The following UPF2 variants were observed in gnomAD, a reference collection of about 807,000 sequenced individuals.
UPF2 encodes regulator of nonsense transcripts 2.
In UPF2, 17 loss-of-function variants were observed where a neutral mutation model predicts 141.4. The observed-to-expected ratio is 0.12, with a 90% CI of 0.08 to 0.18. UPF2 has a LOEUF of 0.18. UPF2 is among the 10% of genes least tolerant of loss of function. The pLI, the probability that UPF2 is intolerant of heterozygous loss-of-function variation, is 1.00. For missense variants in UPF2, 1,152 were observed against 1,515.9 expected, an observed-to-expected ratio of 0.76 and a Z score of 3.99; for synonymous variants, 540 against 498.0, an observed-to-expected ratio of 1.08 and a Z score of -1.12.
At chr10:11,934,409 A>AG (rs1157633889) in intron 19 of UPF2, among the ~76,000 whole-genome samples, 1 of 152,056 alleles carries the variant, frequency 6.6e-6, no homozygotes, top group Non-Finnish European at 1.5e-5. Context: ...GAAGGAGGGG[A>AG]GGGGTGTGGC....
intron 4 of UPF2, among the ~76,000 whole-genome samples, chr10:12,012,299 T>C (rs1014597606): frequency 2.0e-5 from 3 of 151,920 alleles, no homozygotes; most frequent in Admixed American, 2.0e-4. Context: ...CCTGACCTCA[T>C]GATCCACCTG....
chr10:11,944,473 G>A (rs550336664), intron 16 of UPF2, among the ~76,000 whole-genome samples: 1 of 152,238 alleles, frequency 6.6e-6, no homozygotes, highest in African/African-American at 2.4e-5. Context: ...CGGCCTGGGT[G>A]ACAGAGCGAG....
chr10:11,986,407 C>G (rs1387521828), intron 8 of UPF2, among the ~76,000 whole-genome samples: 1 of 152,028 alleles, frequency 6.6e-6, no homozygotes, highest in African/African-American at 2.4e-5. Flanking sequence ...CAAGCAGAAA[C>G]AAGAGCAGAA....
chr10:11,946,264 A>C (rs1832998498), intron 16 of UPF2, among the ~76,000 whole-genome samples: 3 of 152,216 alleles, frequency 2.0e-5, no homozygotes, highest in African/African-American at 7.2e-5. Flanking sequence ...ACAAAGCTTT[A>C]GGGCTAAAGG....
In UPF2 at chr10:11,998,390, G is replaced by T. The variant is rs1833897917; in HGVS notation, c.1759-633C>A. Among the ~76,000 whole-genome samples, 1 of 152,098 alleles carries T rather than the reference G, an allele frequency of 6.6e-6. No individual in the cohort carries two copies. The highest frequency in any genetic ancestry group is 1.5e-5 in the Non-Finnish European group (1 of 68,026). Reference sequence around the variant, plus strand: ...CTAGATGACCATTACCACCTGGACAGACTTTTTTCTGAGACAAGGTCTCAC... The same window carrying T: ...CTAGATGACCATTACCACCTGGACATACTTTTTTCTGAGACAAGGTCTCAC... On this transcript the variant is annotated intron_variant, in intron 7 of 21. Transcript: ENST00000357604. This position sits in a 1 kb window ranked among gnomAD's most constrained non-coding sequence, Gnocchi z 4.5.
chr10:11,958,138 A>G (rs1396912515), intron 12 of UPF2, among the ~76,000 whole-genome samples: 1 of 152,140 alleles, frequency 6.6e-6, no homozygotes, highest in Non-Finnish European at 1.5e-5. Context: ...GGATTGCTTG[A>G]GCCCAGGAGT....
chr10:11,948,829 TAA>T (rs1833037739), intron 15 of UPF2, among the ~76,000 whole-genome samples: 1 of 152,174 alleles, frequency 6.6e-6, no homozygotes, highest in Non-Finnish European at 1.5e-5. Context: ...TAGAAAACAG[TAA>T]CAGATGAGGT....
rs973805667 is a variant in UPF2 at position 11,939,196 on chromosome 10, T to C, written c.3379-2484A>G. 1.3e-5 allele frequency among the ~76,000 whole-genome samples: 2 copies of C among 152,106 alleles called. No homozygotes were observed. Among genetic ancestry groups the C allele is most frequent in the Non-Finnish European group, 2.9e-5 (2 of 68,020 alleles). On this transcript the variant is annotated intron_variant, in intron 18 of 21. Transcript: ENST00000357604. The surrounding 1 kb of genome is among the most constrained non-coding windows in gnomAD (Gnocchi z 4.8). ...AGCAAGTTTCTTGTCTTTCCAAGCC[T>C]CTGTTTCTTTAGCTAAAGCAAAGGA...
In UPF2 at chr10:12,029,228, C is replaced by G. The variant is rs1378903561; in HGVS notation, c.662G>C (p.Cys221Ser). 5 of 1,614,162 alleles carry G rather than the reference C, an allele frequency of 3.1e-6. No individual in the cohort carries two copies. In the South Asian group the frequency reaches 4.4e-5, roughly 14 times the overall value. Reference sequence around the variant, plus strand: ...AAAGAGAGAGCAGAGGTGCACAGCACAGTTCACATCAGAGATTTTTAGTTT... The same window carrying G: ...AAAGAGAGAGCAGAGGTGCACAGCAGAGTTCACATCAGAGATTTTTAGTTT... ...EAKLKISDVN[C>S]AVHLCSLFHQ... The change falls in exon 3 of 22, where the codon TGT (cysteine) becomes TCT (serine). Residue 221 changes from cysteine (C) to serine (S), a missense_variant. Around this residue, in one of 4 missense-constraint regions of UPF2, gnomAD observed 739 missense variants for 1,032.2 expected, o/e 0.72. Coordinates refer to ENST00000357604, the MANE Select transcript of UPF2 (RefSeq NM_015542.4).
chr10:12,014,225 G>C lies in UPF2; in HGVS notation c.1146-41C>G. 3 of 1,333,052 alleles carry C rather than the reference G, an allele frequency of 2.3e-6. No homozygotes were observed. The highest frequency in any genetic ancestry group is 2.9e-6 in the Non-Finnish European group (3 of 1,031,170). 82.6% of individuals were successfully genotyped at this position (1,333,052 alleles called of 1,614,324 possible). A position where few individuals can be genotyped will look rare whatever the true frequency, so the allele number is the denominator to read the frequency against. Reference sequence around the variant, plus strand: ...ATCATCTGACAGTCTTATCAAAATAGATGTGATCACAAATTGTTATATATG... The same window carrying C: ...ATCATCTGACAGTCTTATCAAAATACATGTGATCACAAATTGTTATATATG... On this transcript the variant is annotated intron_variant, in intron 3 of 21. Coordinates refer to ENST00000357604, the MANE Select transcript of UPF2 (RefSeq NM_015542.4). This position sits in a 1 kb window ranked among gnomAD's most constrained non-coding sequence, Gnocchi z 5.0.
intron 11 of UPF2, among the ~76,000 whole-genome samples, chr10:11,961,354 T>C (rs61166139): frequency 0.03 from 4,560 of 151,956 alleles, 218 homozygotes; most frequent in African/African-American, 0.1. Flanking sequence ...GGAAGGTTTT[T>C]CTGAGAAAGT....
In UPF2 at chr10:12,014,377, T is replaced by C. The variant is rs1834182832; in HGVS notation, c.1146-193A>G. On this transcript the variant is annotated intron_variant, in intron 3 of 21. Transcript: ENST00000357604. This position sits in a 1 kb window ranked among gnomAD's most constrained non-coding sequence, Gnocchi z 5.0. ...AATGAAATTCACCTGAACATTTAAATTTTAACACTGGTTCCTCAAAGAATA... is the reference window on the plus strand; with the variant it reads ...AATGAAATTCACCTGAACATTTAAACTTTAACACTGGTTCCTCAAAGAATA... Among the ~76,000 whole-genome samples the C allele has an allele frequency of 6.6e-6, 1 of 152,212 alleles. No homozygotes were observed. The highest frequency in any genetic ancestry group is 2.4e-5 in the African/African-American group (1 of 41,456).
intron 9 of UPF2, among the ~76,000 whole-genome samples, chr10:11,975,006 C>G (rs1449760870): frequency 6.6e-6 from 1 of 152,146 alleles, no homozygotes; most frequent in Non-Finnish European, 1.5e-5. Context: ...GGTATATAGT[C>G]AACTTATTTT....
intron 12 of UPF2, among the ~76,000 whole-genome samples, chr10:11,957,351 C>A (rs1341638444): frequency 6.6e-6 from 1 of 151,846 alleles, no homozygotes; most frequent in Admixed American, 6.5e-5. Context: ...ATCACTTGAA[C>A]CCGGGAGGCA....
rs779809584 is a variant in UPF2 at position 12,028,906 on chromosome 10, C to G, written c.984G>C (p.Lys328Asn). The change falls in exon 3 of 22, where the codon AAG (lysine) becomes AAC (asparagine). Residue 328 changes from lysine to asparagine, a missense_variant. By Grantham distance (94) the Lys-to-Asn change is moderately conservative. Transcript: ENST00000357604. The part of the protein sequence containing the change: ...DIAGLVPRKV[K>N]SAAEKFNLSF... The stretch of plus-strand genomic sequence containing the variant: ...TCAAATTAAACTTCTCTGCAGCACT[C>G]TTTACTTTCCTTGGTACAAGTCCAG... 2 of 1,614,070 alleles carry G rather than the reference C, an allele frequency of 1.2e-6. No homozygotes were observed. The highest frequency in any genetic ancestry group is 8.5e-7 in the Non-Finnish European group (1 of 1,180,046).
In UPF2 at chr10:11,940,314, AC is replaced by A. The variant is rs540953888; in HGVS notation, c.3378+2350del. 1.6e-3 allele frequency among the ~76,000 whole-genome samples: 242 copies of A among 152,166 alleles called. 1 individual carries two copies. The highest frequency in any genetic ancestry group is 5.4e-3 in the African/African-American group (224 of 41,514). ...TTCCTTTGACTTCATCAGCTTTTCT[AC>A]CTTATTTCTAAATGTTAAGGTTCTT... On this transcript the variant is annotated intron_variant, in intron 18 of 21. Transcript: ENST00000357604. This position sits in a 1 kb window ranked among gnomAD's most constrained non-coding sequence, Gnocchi z 4.2.
At chr10:12,029,648 A>T in intron 2 of UPF2, 124 bp from the exon 3 acceptor site, 1 of 1,110,884 alleles carries the variant, frequency 9.0e-7, no homozygotes. Context: ...AAGATTCAAA[A>T]GGCCTTTCAC....
chr10:12,028,884 A>T lies in UPF2; in HGVS notation c.1006T>A (p.Leu336Met), dbSNP rs757177635. 4.3e-6 allele frequency: 7 copies of T among 1,614,066 alleles called. No individual in the cohort carries two copies. The East Asian group carries it at 1.6e-4, about 36-fold the overall frequency. ...KVKSAAEKFN[L>M]SFPPSEIISP... ...ATTATCTCACTAGGAGGAAAACTCA[A>T]ATTAAACTTCTCTGCAGCACTCTTT... The change falls in exon 3 of 22, where the codon TTG becomes ATG. Residue 336 changes from leucine to methionine, a missense_variant. Coordinates refer to ENST00000357604, the MANE Select transcript of UPF2 (RefSeq NM_015542.4).
rs939440896 is a variant in UPF2, at chr10:11,931,918, A to C, written c.3547-136T>G. On this transcript the variant is annotated intron_variant, in intron 19 of 21. Transcript: ENST00000357604. The surrounding 1 kb of genome is among the most constrained non-coding windows in gnomAD (Gnocchi z 5.9). ...GTAATCCCAGCACTTTGGGAGGCCG[A>C]GGCGGGCGGATCACGAGGTCAAGAG... is the stretch of plus-strand genomic sequence containing the variant. 45 of 873,950 alleles carry C rather than the reference A, an allele frequency of 5.1e-5. No homozygotes were observed. In the African/African-American group the frequency reaches 6.8e-4, roughly 13 times the overall value. 54.1% of individuals were successfully genotyped at this position (873,950 alleles called of 1,614,324 possible).
Sources: allele counts gnomAD v4.1 joint callset (sites outside exome capture counted in the v4.1 genomes callset), GRCh38; gene constraint gnomAD v4.1.1; regional missense constraint gnomAD v4.1.1; non-coding constraint Gnocchi (gnomAD v3.1); transcripts MANE v1.5; gene names NCBI Gene and HGNC (gene_info 2026-07-23, HGNC 2026-07-21).